The following ZNF613 variants were observed in gnomAD, a reference collection of about 807,000 sequenced individuals.
ZNF613 encodes zinc finger protein 613.
Under a neutral mutation model 14.3 loss-of-function variants are expected in ZNF613, and 8 were observed. The observed-to-expected ratio is 0.56, with a 90% CI of 0.33 to 1.01. The LOEUF (loss-of-function observed/expected upper bound fraction) is 1.01. Ranked by LOEUF, ZNF613 falls within the 50% of genes least tolerant of loss-of-function variation. The pLI is 0.03. For missense variants in ZNF613, 656 were observed against 741.9 expected (o/e 0.88, Z 1.35); for synonymous variants, 228 against 254.5 (o/e 0.90, Z 0.99).
At chr19:51,928,826 C>T (rs544076037) in intron 1 of ZNF613, among the ~76,000 whole-genome samples, 128 of 148,372 alleles carry the variant, frequency 8.6e-4, no homozygotes, top group African/African-American at 3.1e-3. Flanking sequence ...TGCACTCCAG[C>T]CTGGGCAACA....
At chr19:51,937,335 G>A (rs945048076) in intron 3 of ZNF613, among the ~76,000 whole-genome samples, 5 of 152,194 alleles carry the variant, frequency 3.3e-5, no homozygotes, top group African/African-American at 9.7e-5. Context: ...TAACCTATGG[G>A]TCTTCCAGGA....
intron 5 of ZNF613, among the ~76,000 whole-genome samples, chr19:51,941,220 C>T (rs1440973511): frequency 6.6e-6 from 1 of 152,208 alleles, no homozygotes; most frequent in Admixed American, 6.5e-5. Context: ...GTGTGAGCCA[C>T]CACACCCGGC....
Position 51,944,728 on chromosome 19 carries a change from A to T in ZNF613, c.845A>T (p.His282Leu), listed in dbSNP as rs758205173. 17 of 1,613,808 alleles carry T rather than the reference A, an allele frequency of 1.1e-5. No homozygotes were observed. Among genetic ancestry groups the T allele is most frequent in the Non-Finnish European group, 1.4e-5 (17 of 1,179,980 alleles). Residue 282 changes from histidine to leucine, a missense_variant, in exon 6 of 6, where the codon CAT becomes CTT. By Grantham distance (99) the His-to-Leu change is moderately conservative (BLOSUM62 -3). Coordinates refer to ENST00000293471, the MANE Select transcript of ZNF613 (RefSeq NM_001031721.4). ...KSQLNAHQKI[H>L]TGEKSYICSD... ...CAGCTCAATGCACACCAGAAAATTC[A>T]TACAGGAGAGAAGTCATATATATGC...
chr19:51,933,331 C>T (rs1356373426), intron 2 of ZNF613, among the ~76,000 whole-genome samples: 1 of 152,226 alleles, frequency 6.6e-6, no homozygotes, highest in African/African-American at 2.4e-5. Context: ...TGTTGTTCTG[C>T]TTCACAAAGT....
chr19:51,928,864 AAAAAAG>A (rs1340096803), intron 1 of ZNF613, among the ~76,000 whole-genome samples: 1 of 151,946 alleles, frequency 6.6e-6, no homozygotes, highest in African/African-American at 2.4e-5. Context: ...AAAAAAAAAA[AAAAAAG>A]AAAAGAAAAG....
intron 5 of ZNF613, chr19:51,942,590 C>T (rs1352744673): frequency 1.3e-5 from 2 of 152,036 alleles, no homozygotes; most frequent in Non-Finnish European, 2.9e-5. Flanking sequence ...GAGGAGTGAA[C>T]AAGAGGGGCA....
intron 2 of ZNF613, among the ~76,000 whole-genome samples, chr19:51,934,639 T>TA (rs1242285457): frequency 6.6e-6 from 1 of 152,228 alleles, no homozygotes; most frequent in Non-Finnish European, 1.5e-5. Flanking sequence ...TTCCTATACA[T>TA]ACATGAGTTT....
At chr19:51,936,422 C>G (rs1410020854) in intron 3 of ZNF613, among the ~76,000 whole-genome samples, 187 bp downstream of exon 3, 2 of 152,158 alleles carry the variant, frequency 1.3e-5, no homozygotes, top group Admixed American at 1.3e-4. Flanking sequence ...CATGTGGTAT[C>G]ATAGAAAGAT....
Position 51,940,695 on chromosome 19 carries a change from G to C in ZNF613, c.221G>C (p.Ser74Thr), listed in dbSNP as rs775489891. 1 of 1,612,870 alleles carries C rather than the reference G, an allele frequency of 6.2e-7. No individual in the cohort carries two copies. The highest frequency in any genetic ancestry group is 8.5e-7 in the Non-Finnish European group (1 of 1,179,336). ...TGGACAGTAGAAAATGAAATCCACA[G>C]CCAAATCTGTCCAGGTGAGTTCAGG... ...EPWTVENEIH[S>T]QICPEIKKVD... Residue 74 changes from serine (S) to threonine (T), a missense_variant, in exon 5 of 6, where the codon AGC becomes ACC. Physicochemically the swap from Ser to Thr is moderately conservative, Grantham distance 58. Transcript: ENST00000293471.
chr19:51,941,644 A>C (rs12463058), intron 5 of ZNF613, among the ~76,000 whole-genome samples: 21,162 of 151,958 alleles, frequency 0.14, 1,958 homozygotes, highest in East Asian at 0.45. Context: ...AGTTTCCTTC[A>C]TTCTAATGAC....
intron 2 of ZNF613, among the ~76,000 whole-genome samples, chr19:51,935,685 C>T (rs960463622): frequency 2.6e-5 from 4 of 152,136 alleles, no homozygotes; most frequent in African/African-American, 9.7e-5. Flanking sequence ...AAATAAATAT[C>T]CAATTCCTCA....
In ZNF613 at chr19:51,944,923, C is replaced by T. The variant is rs773095654; in HGVS notation, c.1040C>T (p.Thr347Ile). The T allele has an allele frequency of 1.2e-6, 2 of 1,613,682 alleles. No individual in the cohort carries two copies. Among genetic ancestry groups the T allele is most frequent in the Admixed American group, 3.3e-5 (2 of 59,982 alleles). The change falls in exon 6 of 6, where the codon ACT (threonine) becomes ATT (isoleucine). Residue 347 changes from threonine to isoleucine, a missense_variant. Transcript: ENST00000293471. ...THTGEKPYEC[T>I]ECDKAFRWKS... Reference sequence around the variant, plus strand: ...ACAGGAGAGAAACCCTATGAATGCACTGAATGTGACAAAGCATTCCGCTGG... The same window carrying T: ...ACAGGAGAGAAACCCTATGAATGCATTGAATGTGACAAAGCATTCCGCTGG...
rs1386984262 is a variant in ZNF613, at chr19:51,946,414, TAA to T, written c.*678_*679del. ...AATGTACCTCTTCCCCCTTTTTTGA[TAA>T]GAGTCTTCTATTCCCAACCAAGATC... On this transcript the variant is annotated 3_prime_UTR_variant, in exon 6 of 6. Transcript: ENST00000293471. 6.6e-6 allele frequency: 1 copy of T among 152,248 alleles called. No individual in the cohort carries two copies. The allele number at this position is 152,248 out of a possible 1,614,324, so 9.4% of individuals were successfully genotyped here.
intron 3 of ZNF613, among the ~76,000 whole-genome samples, chr19:51,939,982 T>C (rs919824412): frequency 3.9e-5 from 6 of 152,130 alleles, no homozygotes; most frequent in African/African-American, 1.2e-4. Flanking sequence ...TGTTAAATGA[T>C]AGATAATTAC....
chr19:51,945,708 T>G lies in ZNF613; in HGVS notation c.1825T>G (p.Ser609Ala), dbSNP rs1568468598. Residue 609 changes from serine to alanine, a missense_variant, in exon 6 of 6, where the codon TCA (serine) becomes GCA (alanine). Physicochemically the swap from Ser to Ala is moderately conservative, Grantham distance 99. Transcript: ENST00000293471. Reference sequence around the variant, plus strand: ...CCAGCCTGTTGCCAGAAGTTCAGTCTCAGCAGATAGTAGAATTTGCACAGA... The same window carrying G: ...CCAGCCTGTTGCCAGAAGTTCAGTCGCAGCAGATAGTAGAATTTGCACAGA... Reference protein sequence around the residue: ...VSQPVARSSVSADSRICTE With the variant: ...VSQPVARSSVAADSRICTE The G allele has an allele frequency of 6.2e-7, 1 of 1,614,154 alleles. No homozygotes were observed. Among genetic ancestry groups the G allele is most frequent in the Admixed American group, 1.7e-5 (1 of 60,024 alleles).
chr19:51,945,383 C>G lies in ZNF613; in HGVS notation c.1500C>G (p.Asn500Lys). 6.2e-7 allele frequency: 1 copy of G among 1,613,630 alleles called. No individual in the cohort carries two copies. Among genetic ancestry groups the G allele is most frequent in the Non-Finnish European group, 8.5e-7 (1 of 1,179,712 alleles). Reference sequence around the variant, plus strand: ...CTTTCAGAGATAAATCATGTCTCAACAGACATCGGAGAACTCATACAGGGG... The same window carrying G: ...CTTTCAGAGATAAATCATGTCTCAAGAGACATCGGAGAACTCATACAGGGG... ...GKAFRDKSCLNRHRRTHTGER... is the reference protein window; with the variant it reads ...GKAFRDKSCLKRHRRTHTGER... Residue 500 changes from asparagine (N) to lysine (K), a missense_variant, in exon 6 of 6, where the codon AAC (asparagine) becomes AAG (lysine). Asn to Lys is a moderately conservative substitution (Grantham distance 94). Transcript: ENST00000293471.
rs758475916 is a variant in ZNF613, at chr19:51,944,944, G to A, written c.1061G>A (p.Arg354His). Reference protein sequence around the residue: ...YECTECDKAFRWKSQLNAHQK... With the variant: ...YECTECDKAFHWKSQLNAHQK... ...TGCACTGAATGTGACAAAGCATTCCGCTGGAAATCACAGCTCAATGCACAT... is the reference window on the plus strand; with the variant it reads ...TGCACTGAATGTGACAAAGCATTCCACTGGAAATCACAGCTCAATGCACAT... Residue 354 changes from arginine to histidine, a missense_variant, in exon 6 of 6, where the codon CGC becomes CAC. Transcript: ENST00000293471. 124 of 1,613,920 alleles carry A rather than the reference G, an allele frequency of 7.7e-5. No individual in the cohort carries two copies. Among genetic ancestry groups the A allele is most frequent in the Non-Finnish European group, 9.8e-5 (116 of 1,180,028 alleles).
At chr19:51,933,058 G>C (rs1293422295) in intron 2 of ZNF613, among the ~76,000 whole-genome samples, 1 of 152,200 alleles carries the variant, frequency 6.6e-6, no homozygotes, top group Non-Finnish European at 1.5e-5. Context: ...ATTAGCCAGG[G>C]AATCTATAAA....
intron 3 of ZNF613, 48 bp from the exon 4 acceptor site, chr19:51,940,161 T>C (rs1235281857): frequency 3.7e-6 from 6 of 1,603,546 alleles, no homozygotes; most frequent in Non-Finnish European, 4.3e-6. Flanking sequence ...ATTTCTTCCA[T>C]ATAAATGAGA....
Sources: allele counts gnomAD v4.1 joint callset (sites outside exome capture counted in the v4.1 genomes callset), GRCh38; gene constraint gnomAD v4.1.1; transcripts MANE v1.5; gene names NCBI Gene and HGNC (gene_info 2026-07-23, HGNC 2026-07-21).